Variants in MTA1 observed in about 807,000 individuals in gnomAD.
MTA1 encodes the protein metastasis associated 1, also known as metastasis-associated protein MTA1.
Under a neutral mutation model 97.0 loss-of-function variants are expected in MTA1, and 15 were observed. The ratio of observed to expected loss-of-function variants is 0.15; its 90% CI spans 0.10 to 0.24. The LOEUF (loss-of-function observed/expected upper bound fraction) is 0.24, where lower values mean the gene tolerates loss of function less well. Among genes scored for constraint, MTA1 ranks in the 10% least tolerant of loss-of-function variants. The pLI, the probability that MTA1 is intolerant of heterozygous loss-of-function variation, is 1.00. For missense variants in MTA1, 709 were observed against 1,015.1 expected, an observed-to-expected ratio of 0.70 and a Z score of 4.10; for synonymous variants, 435 against 417.5, an observed-to-expected ratio of 1.04 and a Z score of -0.51.
chr14:105,441,693 C>T (rs1349516884), intron 2 of MTA1, among the ~76,000 whole-genome samples: 1 of 152,152 alleles, frequency 6.6e-6, no homozygotes, highest in Non-Finnish European at 1.5e-5. Context: ...ACTCGGGAGG[C>T]TGAGGCAGGA....
intron 2 of MTA1, among the ~76,000 whole-genome samples, chr14:105,440,203 C>T (rs782501652): frequency 3.9e-5 from 6 of 152,226 alleles, no homozygotes; most frequent in Non-Finnish European, 7.3e-5. Context: ...TGGGTACTGC[C>T]GGAATGGGGC....
chr14:105,449,297 C>G, intron 3 of MTA1, 62 bp from the exon 4 acceptor site: 1 of 1,549,374 alleles, frequency 6.5e-7, no homozygotes, highest in East Asian at 2.3e-5. Flanking sequence ...GGGCCCTGGG[C>G]AGGGAGCAGG....
chr14:105,436,576 G>T (rs587728000), intron 1 of MTA1, among the ~76,000 whole-genome samples: 1 of 152,074 alleles, frequency 6.6e-6, no homozygotes, highest in Admixed American at 6.5e-5. Flanking sequence ...GCACGCAGCC[G>T]TCGTGCCTGC....
rs2083309385 is a variant in MTA1, at chr14:105,460,515, C to T, written c.753+58C>T. ...TGGGGTGGCCCATGGCCCAGAGTGG[C>T]TGCGCCCTTCTTCCTACCAGGGCCC... On this transcript the variant is annotated intron_variant, in intron 9 of 20. Transcript: ENST00000331320. 3 of 1,485,676 alleles carry T rather than the reference C, an allele frequency of 2.0e-6. No homozygotes were observed. The African/African-American group carries it at 4.2e-5, about 21-fold the overall frequency. The allele number at this position is 1,485,676 out of a possible 1,614,324, so 92.0% of individuals were successfully genotyped here. A position where few individuals can be genotyped will look rare whatever the true frequency, so the allele number is the denominator to read the frequency against.
At chr14:105,468,902 G>A (rs1035119480) in intron 18 of MTA1, 5 of 298,410 alleles carry the variant, frequency 1.7e-5, no homozygotes, top group Non-Finnish European at 3.3e-5. Context: ...GTGCCCCTTG[G>A]GCTCCTCACC....
chr14:105,460,622 C>G (rs1292634115), intron 9 of MTA1, 143 bp from the exon 10 acceptor site: 4 of 1,209,538 alleles, frequency 3.3e-6, no homozygotes, highest in Non-Finnish European at 4.5e-6. Flanking sequence ...CCAAACTCGG[C>G]CAGACTGTGC....
rs201687944 is a variant in MTA1 at position 105,445,383 on chromosome 14, C to T, written c.97-35C>T. ...GGGAGCTGTGCAGCCCGGGTTTGGT[C>T]GCGTTTCTCAGACGCCCCTGCCTTG... On this transcript the variant is annotated intron_variant, in intron 2 of 20. Transcript: ENST00000331320. 6.0e-3 allele frequency: 9,532 copies of T among 1,599,656 alleles called. 53 individuals are homozygous for T. The highest frequency in any genetic ancestry group is 6.2e-3 in the Non-Finnish European group (7,296 of 1,169,348).
At chr14:105,468,832 C>A in intron 18 of MTA1, 1 of 279,706 alleles carries the variant, frequency 3.6e-6, no homozygotes, top group Non-Finnish European at 7.1e-6. Context: ...CAGCGGCGGT[C>A]CTGGGCCCAG....
chr14:105,420,628 C>T lies in MTA1; in HGVS notation c.28+565C>T, dbSNP rs972352465. 3.9e-5 allele frequency among the ~76,000 whole-genome samples: 6 copies of T among 152,196 alleles called. No individual in the cohort carries two copies. Among genetic ancestry groups the T allele is most frequent in the Non-Finnish European group, 8.8e-5 (6 of 68,018 alleles). On this transcript the variant is annotated intron_variant, in intron 1 of 20. Transcript: ENST00000331320. This position sits in a 1 kb window ranked among gnomAD's most constrained non-coding sequence, Gnocchi z 5.3. ...CAGCAGGGAGCGAGCATCCCGAGCA[C>T]GCCTCTAAGTCCCCCCAAACTTTTC...
chr14:105,456,591 G>C (rs1555429979), intron 7 of MTA1, among the ~76,000 whole-genome samples: 1 of 152,252 alleles, frequency 6.6e-6, no homozygotes, highest in Non-Finnish European at 1.5e-5. Context: ...CCTCCGAGAG[G>C]CTGTGTCCCT....
intron 6 of MTA1, among the ~76,000 whole-genome samples, chr14:105,452,377 TTTA>T (rs1156912666): frequency 6.6e-6 from 1 of 152,136 alleles, no homozygotes; most frequent in Non-Finnish European, 1.5e-5. Context: ...ACCACTTGTG[TTTA>T]TTAATTTAAA....
At chr14:105,426,437 G>A (rs1418236791) in intron 1 of MTA1, among the ~76,000 whole-genome samples, 3 of 151,930 alleles carry the variant, frequency 2.0e-5, no homozygotes, top group Non-Finnish European at 4.4e-5. Flanking sequence ...GTGGAGTCAG[G>A]TATGGGGCAC....
chr14:105,444,333 C>T (rs1337149787), intron 2 of MTA1, among the ~76,000 whole-genome samples: 1 of 151,230 alleles, frequency 6.6e-6, no homozygotes, highest in East Asian at 2.0e-4. Flanking sequence ...CGAGATTGCA[C>T]CACTGCACTC....
At chr14:105,454,702 G>GCTGGGGTTCGCC in intron 7 of MTA1, 1 of 161,978 alleles carries the variant, frequency 6.2e-6, no homozygotes, top group South Asian at 1.7e-4. Context: ...CGCCTCCCAG[G>GCTGGGGTTCGCC]TTCAAGCGAT....
chr14:105,427,461 C>G (rs139524494), intron 1 of MTA1, among the ~76,000 whole-genome samples: 1 of 152,120 alleles, frequency 6.6e-6, no homozygotes, highest in Admixed American at 6.6e-5. Flanking sequence ...ATGGAGAGAA[C>G]GTGTGTTGGA....
intron 12 of MTA1, 25 bp from the exon 13 acceptor site, chr14:105,464,007 C>T: frequency 6.2e-7 from 1 of 1,610,820 alleles, no homozygotes; most frequent in South Asian, 1.1e-5. Flanking sequence ...TGCAACTCCT[C>T]TCGTCTCTCC....
chr14:105,460,566 C>T (rs1468653500), intron 9 of MTA1, 109 bp downstream of exon 9: 1 of 1,263,288 alleles, frequency 7.9e-7, no homozygotes, highest in African/African-American at 1.5e-5. Context: ...TATTCAGGAC[C>T]CCTGCAGAGG....
chr14:105,458,621 T>C (rs1321212562), intron 8 of MTA1, among the ~76,000 whole-genome samples: 1 of 152,030 alleles, frequency 6.6e-6, no homozygotes, highest in Non-Finnish European at 1.5e-5. Context: ...CATGTGTCCC[T>C]AATGGGGCTT....
At chr14:105,469,578 C>A (rs1333644125) in intron 19 of MTA1, 80 bp downstream of exon 19, 37 of 1,526,010 alleles carry the variant, frequency 2.4e-5, no homozygotes, top group Admixed American at 3.5e-5. Context: ...CCTGGCCAGC[C>A]CTGCCAGGTG....
Sources: allele counts gnomAD v4.1 joint callset (sites outside exome capture counted in the v4.1 genomes callset), GRCh38; gene constraint gnomAD v4.1.1; non-coding constraint Gnocchi (gnomAD v3.1); transcripts MANE v1.5; gene names NCBI Gene and HGNC (gene_info 2026-07-23, HGNC 2026-07-21).